KCNK5: variants seen among roughly 807,000 people sequenced by gnomAD.
KCNK5 encodes the protein potassium two pore domain channel subfamily K member 5.
A neutral mutation model predicts 32.9 loss-of-function variants in KCNK5; 18 were observed. That is an observed-to-expected ratio of 0.55 (90% confidence interval 0.38 to 0.81). KCNK5 has a LOEUF of 0.81. Among genes scored for constraint, KCNK5 ranks in the 30% least tolerant of loss-of-function variants. The pLI is 0.00. For missense variants in KCNK5, 507 were observed against 651.0 expected (o/e 0.78, Z 2.41); for synonymous variants, 276 against 275.3 (o/e 1.00, Z -0.03).
chr6:39,200,939 G>A (rs1471265494), intron 1 of KCNK5, among the ~76,000 whole-genome samples: 1 of 152,224 alleles, frequency 6.6e-6, no homozygotes, highest in Non-Finnish European at 1.5e-5. Flanking sequence ...GGCAGGCAGG[G>A]CAAGGTGGGG....
At chr6:39,223,668 C>T (rs1361715503) in intron 1 of KCNK5, among the ~76,000 whole-genome samples, 1 of 152,114 alleles carries the variant, frequency 6.6e-6, no homozygotes, top group African/African-American at 2.4e-5. Flanking sequence ...CTCTGCTCCC[C>T]AAAACCTTGC....
At chr6:39,228,153 T>C (rs6458102) in intron 1 of KCNK5, among the ~76,000 whole-genome samples, 30,143 of 152,082 alleles carry the variant, frequency 0.2, 3,861 homozygotes, top group East Asian at 0.38. Context: ...GTTCCCAATG[T>C]CAGCACGGAG....
At chr6:39,202,939 T>C (rs1454624497) in intron 1 of KCNK5, among the ~76,000 whole-genome samples, 3 of 152,072 alleles carry the variant, frequency 2.0e-5, no homozygotes, top group African/African-American at 7.2e-5. Context: ...GTCTGTAAAA[T>C]AACACCTACT....
intron 1 of KCNK5, among the ~76,000 whole-genome samples, chr6:39,197,783 C>A (rs966812451): frequency 6.6e-6 from 1 of 152,118 alleles, no homozygotes; most frequent in African/African-American, 2.4e-5. Context: ...TGAATGGGAC[C>A]GGCCTACAAG....
intron 1 of KCNK5, among the ~76,000 whole-genome samples, chr6:39,224,399 A>G (rs545307614): frequency 6.6e-6 from 1 of 152,190 alleles, no homozygotes; most frequent in Non-Finnish European, 1.5e-5. Context: ...AAAAAATTCA[A>G]TGTACCCCAT....
intron 1 of KCNK5, among the ~76,000 whole-genome samples, chr6:39,197,065 A>C (rs1192017941): frequency 6.6e-6 from 1 of 152,224 alleles, no homozygotes; most frequent in East Asian, 1.9e-4. Context: ...TCTGGGGCTC[A>C]AGTCCTGTCC....
chr6:39,217,855 T>G (rs1454654259), intron 1 of KCNK5, among the ~76,000 whole-genome samples: 1 of 152,168 alleles, frequency 6.6e-6, no homozygotes, highest in African/African-American at 2.4e-5. Flanking sequence ...AGGCCCTGGC[T>G]GGCCCAGAAA....
At chr6:39,222,872 G>A (rs542604417) in intron 1 of KCNK5, among the ~76,000 whole-genome samples, 288 of 152,318 alleles carry the variant, frequency 1.9e-3, no homozygotes, top group Non-Finnish European at 3.6e-3. Context: ...TGGTTCCCAG[G>A]GGCTGGGTAG....
At chr6:39,192,264 GCAGA>G (rs1321362894) in intron 4 of KCNK5, among the ~76,000 whole-genome samples, 4 of 111,804 alleles carry the variant, frequency 3.6e-5, no homozygotes, top group African/African-American at 1.1e-4. Flanking sequence ...AGCCTGGGCA[GCAGA>G]CAGAGACTCC....
chr6:39,199,164 C>T lies in KCNK5; in HGVS notation c.187-3177G>A, dbSNP rs539539732. ...TAGAGATGCTAAATGCCCTGCAATTCACAGGACAACCACACCCACAAGGCC... is the reference window on the plus strand; with the variant it reads ...TAGAGATGCTAAATGCCCTGCAATTTACAGGACAACCACACCCACAAGGCC... On this transcript the variant is annotated intron_variant, in intron 1 of 4. Transcript: ENST00000359534. Among the ~76,000 whole-genome samples the T allele has an allele frequency of 2.0e-5, 3 of 152,322 alleles. No individual in the cohort carries two copies. The South Asian group carries it at 6.2e-4, about 32-fold the overall frequency.
chr6:39,224,313 AAGTGGACCAGTGCATT>A (rs1284232476), intron 1 of KCNK5, among the ~76,000 whole-genome samples: 1 of 152,222 alleles, frequency 6.6e-6, no homozygotes, highest in East Asian at 1.9e-4. Flanking sequence ...AAAGGCGGTT[AAGTGGACCAGTGCATT>A]TCACAATTTC....
At chr6:39,215,932 TTAACA>T (rs902612871) in intron 1 of KCNK5, among the ~76,000 whole-genome samples, 14 of 152,220 alleles carry the variant, frequency 9.2e-5, no homozygotes, top group Admixed American at 8.5e-4. Context: ...GGGGATTGAG[TTAACA>T]ACCCCACCTC....
intron 1 of KCNK5, among the ~76,000 whole-genome samples, chr6:39,224,233 C>T (rs1437257600): frequency 2.0e-5 from 3 of 152,108 alleles, no homozygotes; most frequent in Admixed American, 6.5e-5. Context: ...AACTCAAGCT[C>T]GGACCCAAGG....
At position 39,191,769 on chromosome 6, in the gene KCNK5, C is replaced by A; in HGVS notation, c.635-14G>T. The stretch of plus-strand genomic sequence containing the variant: ...TGGGGTTCACACCTGAGCGGACAGG[C>A]AGTCCAGAGGTCAGGAAGAGTTAGC... On this transcript the variant is annotated splice_polypyrimidine_tract_variant and intron_variant, in intron 4 of 4. Transcript: ENST00000359534. This position sits in a 1 kb window ranked among gnomAD's most constrained non-coding sequence, Gnocchi z 5.8. The A allele has an allele frequency of 6.2e-7, 1 of 1,605,722 alleles. No individual in the cohort carries two copies. The highest frequency in any genetic ancestry group is 1.1e-5 in the South Asian group (1 of 90,158).
At chr6:39,223,249 A>G (rs12214238) in intron 1 of KCNK5, among the ~76,000 whole-genome samples, 54 of 152,314 alleles carry the variant, frequency 3.5e-4, no homozygotes, top group Non-Finnish European at 6.8e-4. Context: ...GTGGCTTCAG[A>G]GGCCACTCCC....
rs1770944890 is a variant in KCNK5, at chr6:39,191,842, G to A, written c.635-87C>T. ...GCCAATGCTGTGTGATCTGAGCAGG[G>A]GTCAGGCCAGAGCACAGGACGGGGG... On this transcript the variant is annotated intron_variant, in intron 4 of 4. Transcript: ENST00000359534. This position sits in a 1 kb window ranked among gnomAD's most constrained non-coding sequence, Gnocchi z 5.8. The A allele has an allele frequency of 3.5e-6, 5 of 1,429,432 alleles. No individual in the cohort carries two copies. Among genetic ancestry groups the A allele is most frequent in the Non-Finnish European group, 3.8e-6 (4 of 1,045,348 alleles). The allele number at this position is 1,429,432 out of a possible 1,614,324, so 88.5% of individuals were successfully genotyped here. A position where few individuals can be genotyped will look rare whatever the true frequency, so the allele number is the denominator to read the frequency against.
intron 1 of KCNK5, among the ~76,000 whole-genome samples, chr6:39,196,820 C>T (rs1010751582): frequency 2.0e-5 from 3 of 152,206 alleles, no homozygotes; most frequent in Non-Finnish European, 4.4e-5. Flanking sequence ...CTTCCAGTAA[C>T]TGTGGATAGC....
At chr6:39,218,393 G>A (rs1479373756) in intron 1 of KCNK5, among the ~76,000 whole-genome samples, 1 of 152,164 alleles carries the variant, frequency 6.6e-6, no homozygotes, top group Non-Finnish European at 1.5e-5. Flanking sequence ...AAAGGGATTA[G>A]AAATAAAGTG....
chr6:39,213,091 C>G lies in KCNK5; in HGVS notation c.186+15835G>C, dbSNP rs1349916741. 2.0e-5 allele frequency among the ~76,000 whole-genome samples: 3 copies of G among 152,136 alleles called. No homozygotes were observed. The East Asian group carries it at 5.8e-4, about 29-fold the overall frequency. ...CCCACAGTCAGTCCTTTGGAGCCCA[C>G]AGATACGAAGGGTCAACTATACACT... On this transcript the variant is annotated intron_variant, in intron 1 of 4. Coordinates refer to ENST00000359534, the MANE Select transcript of KCNK5 (RefSeq NM_003740.4).
Sources: allele counts gnomAD v4.1 joint callset (sites outside exome capture counted in the v4.1 genomes callset), GRCh38; gene constraint gnomAD v4.1.1; non-coding constraint Gnocchi (gnomAD v3.1); transcripts MANE v1.5; gene names NCBI Gene and HGNC (gene_info 2026-07-23, HGNC 2026-07-21).